The following SGIP1 variants were observed in gnomAD, a reference collection of about 807,000 sequenced individuals.
SGIP1 encodes the protein SH3-containing GRB2-like protein 3-interacting protein 1.
Under a neutral mutation model 107.5 loss-of-function variants are expected in SGIP1, and 38 were observed. The observed-to-expected ratio is 0.35, with a 90% confidence interval of 0.27 to 0.46. SGIP1 has a LOEUF of 0.46. Among genes scored for constraint, SGIP1 ranks in the 20% least tolerant of loss-of-function variants. The pLI is 1.00. For missense variants in SGIP1, 929 were observed against 1,019.5 expected (o/e 0.91, Z 1.21); for synonymous variants, 365 against 366.1 (o/e 1.00, Z 0.03).
At chr1:66,716,812 T>C (rs2093272439) in intron 18 of SGIP1, among the ~76,000 whole-genome samples, 1 of 152,134 alleles carries the variant, frequency 6.6e-6, no homozygotes. Context: ...AGACAAATTT[T>C]CCTAAATATT....
rs1553268299 is a variant in SGIP1 at position 66,630,904 on chromosome 1, A to AAAGGAGGAAAGAAGGG, written c.75-2165_75-2164insAGGAGGAAAGAAGGGA. 4.3e-4 allele frequency among the ~76,000 whole-genome samples: 4 copies of AAAGGAGGAAAGAAGGG among 9,288 alleles called. 1 individual carries two copies. Among genetic ancestry groups the AAAGGAGGAAAGAAGGG allele is most frequent in the Non-Finnish European group, 6.8e-4 (4 of 5,918 alleles). The allele number at this position is 9,288 out of a possible 152,430, so 6.1% of individuals were successfully genotyped here. On this transcript the variant is annotated intron_variant, in intron 2 of 24. Transcript: ENST00000371037. ...GAAAGAAAGAAAGAAAGAAAGAAAG[A>AAAGGAGGAAAGAAGGG]AGGGAGGGAGGGAGGGAGGAAGGAA...
Position 66,653,734 on chromosome 1 carries a change from A to C in SGIP1, c.460-6779A>C, listed in dbSNP as rs80107095. Among the ~76,000 whole-genome samples the C allele has an allele frequency of 3.9e-4, 59 of 152,312 alleles. 4 individuals carry two copies. In the East Asian group the frequency reaches 0.011, roughly 29 times the overall value. ...TAGGATGGCCTCAGTAGAAGTAGCA[A>C]ATTATTGAATTACATGTTTTTTATT... On this transcript the variant is annotated intron_variant, in intron 7 of 24. Coordinates refer to ENST00000371037, the MANE Select transcript of SGIP1 (RefSeq NM_032291.4).
intron 1 of SGIP1, among the ~76,000 whole-genome samples, chr1:66,576,583 C>A (rs1407621637): frequency 2.0e-5 from 3 of 152,314 alleles, no homozygotes; most frequent in Middle Eastern, 3.4e-3. Context: ...TTACCTCAAC[C>A]TTTAATATTA....
At chr1:66,652,066 A>C (rs1201521989) in intron 7 of SGIP1, among the ~76,000 whole-genome samples, 1 of 152,186 alleles carries the variant, frequency 6.6e-6, no homozygotes, top group Admixed American at 6.5e-5. Context: ...AAAGATCAAG[A>C]GACAAGGATA....
At chr1:66,684,299 GCA>G (rs1399632266) in intron 15 of SGIP1, 1 of 1,443,970 alleles carries the variant, frequency 6.9e-7, no homozygotes, top group Non-Finnish European at 9.3e-7. Context: ...CATCTACACT[GCA>G]CAGTGTCATC....
At chr1:66,695,190 A>G in intron 17 of SGIP1, 1 of 728,730 alleles carries the variant, frequency 1.4e-6, no homozygotes, top group Non-Finnish European at 2.1e-6. Context: ...GTATCAAGCG[A>G]CCACCAACAC....
intron 1 of SGIP1, among the ~76,000 whole-genome samples, chr1:66,563,122 G>C (rs1316167100): frequency 6.6e-6 from 1 of 151,860 alleles, no homozygotes; most frequent in Non-Finnish European, 1.5e-5. Flanking sequence ...GCTACAAGAG[G>C]AAAACCACAA....
chr1:66,552,911 G>T (rs575980952), intron 1 of SGIP1, among the ~76,000 whole-genome samples: 1 of 152,250 alleles, frequency 6.6e-6, no homozygotes, highest in African/African-American at 2.4e-5. Context: ...AAGCAGATAA[G>T]TTTTCCCTTT....
At chr1:66,540,102 C>A (rs928256309) in intron 1 of SGIP1, among the ~76,000 whole-genome samples, 2 of 151,378 alleles carry the variant, frequency 1.3e-5, no homozygotes, top group African/African-American at 2.4e-5. Flanking sequence ...TTATGATGGA[C>A]GTAAGAAAAA....
intron 9 of SGIP1, 78 bp from the exon 10 acceptor site, chr1:66,670,917 T>G: frequency 1.5e-6 from 1 of 668,458 alleles, no homozygotes; most frequent in Non-Finnish European, 2.3e-6. Context: ...TCAGTTTAAT[T>G]GCAATGACAG....
intron 18 of SGIP1, among the ~76,000 whole-genome samples, chr1:66,695,949 T>C (rs2090833395): frequency 2.0e-5 from 3 of 152,172 alleles, no homozygotes; most frequent in Admixed American, 2.0e-4. Context: ...TCTAAATATG[T>C]AAATACATTC....
chr1:66,613,327 T>C (rs2068437673), intron 1 of SGIP1, among the ~76,000 whole-genome samples: 1 of 147,008 alleles, frequency 6.8e-6, no homozygotes, highest in South Asian at 2.6e-4. Flanking sequence ...CTTAAGTTTT[T>C]TTGTGTTTTG....
chr1:66,598,994 A>T (rs2065234920), intron 1 of SGIP1, among the ~76,000 whole-genome samples: 2 of 152,322 alleles, frequency 1.3e-5, no homozygotes. Flanking sequence ...AAAAATGTAG[A>T]ATGAGAAATG....
chr1:66,662,818 A>T (rs537558439), intron 8 of SGIP1, among the ~76,000 whole-genome samples: 2 of 152,218 alleles, frequency 1.3e-5, no homozygotes, highest in Non-Finnish European at 2.9e-5. Flanking sequence ...ACAGTATTTA[A>T]TTAGAAATGA....
chr1:66,635,482 A>T (rs1227442213), intron 3 of SGIP1, among the ~76,000 whole-genome samples: 1 of 152,232 alleles, frequency 6.6e-6, no homozygotes, highest in East Asian at 1.9e-4. Context: ...AGGAAAGGGC[A>T]CAGATTTGGA....
At chr1:66,557,845 G>T (rs1282945043) in intron 1 of SGIP1, among the ~76,000 whole-genome samples, 1 of 152,116 alleles carries the variant, frequency 6.6e-6, no homozygotes, top group Non-Finnish European at 1.5e-5. Flanking sequence ...CTAATCTATA[G>T]AAGACACTTA....
At chr1:66,738,609 C>T (rs545023168) in intron 21 of SGIP1, among the ~76,000 whole-genome samples, 2 of 152,254 alleles carry the variant, frequency 1.3e-5, no homozygotes, top group African/African-American at 4.8e-5. Context: ...TAATTAGTAT[C>T]AACAGTAGAT....
chr1:66,552,708 G>A (rs946988523), intron 1 of SGIP1, among the ~76,000 whole-genome samples: 1 of 151,996 alleles, frequency 6.6e-6, no homozygotes, highest in Non-Finnish European at 1.5e-5. Context: ...TTATTTTGAG[G>A]AATAAATAAG....
chr1:66,628,217 T>A (rs986576249), intron 2 of SGIP1, among the ~76,000 whole-genome samples: 1 of 152,138 alleles, frequency 6.6e-6, no homozygotes, highest in Non-Finnish European at 1.5e-5. Context: ...TACGTGTGCA[T>A]GTGTCTTTAT....
Sources: allele counts gnomAD v4.1 joint callset (sites outside exome capture counted in the v4.1 genomes callset), GRCh38; gene constraint gnomAD v4.1.1; transcripts MANE v1.5; gene names NCBI Gene and HGNC (gene_info 2026-07-23, HGNC 2026-07-21).